The following SYN2 variants were observed in gnomAD, a reference collection of about 807,000 sequenced individuals.
The protein encoded by SYN2 is synapsin II, also known as synapsin-2.
SYN2 carries 19 observed loss-of-function variants against 50.9 expected under a neutral mutation model. The ratio of observed to expected loss-of-function variants is 0.37; its 90% CI spans 0.26 to 0.55. SYN2 has a LOEUF of 0.55. Among genes scored for constraint, SYN2 ranks in the 20% least tolerant of loss-of-function variants. The pLI, the probability that SYN2 is intolerant of heterozygous loss-of-function variation, is 0.81. For missense variants in SYN2, 587 were observed against 576.4 expected, an observed-to-expected ratio of 1.02 and a Z score of -0.19; for synonymous variants, 255 against 224.9, an observed-to-expected ratio of 1.13 and a Z score of -1.20.
At chr3:12,119,404 T>C (rs181083725) in intron 1 of SYN2, among the ~76,000 whole-genome samples, 33 of 152,318 alleles carry the variant, frequency 2.2e-4, no homozygotes, top group African/African-American at 7.9e-4. Flanking sequence ...GATAGTGTTT[T>C]ATTCATTTCT....
At chr3:12,102,983 A>G (rs1309977314) in intron 1 of SYN2, among the ~76,000 whole-genome samples, 2 of 152,170 alleles carry the variant, frequency 1.3e-5, no homozygotes, top group Non-Finnish European at 2.9e-5. Flanking sequence ...GTAATTATGA[A>G]CACTTATTTA....
intron 3 of SYN2, among the ~76,000 whole-genome samples, chr3:12,143,265 C>G (rs892134427): frequency 3.3e-5 from 5 of 152,126 alleles, no homozygotes; most frequent in African/African-American, 1.2e-4. Flanking sequence ...CAGAGCAGCT[C>G]TAACAGATGC....
intron 6 of SYN2, 136 bp from the exon 7 acceptor site, chr3:12,161,876 G>A (rs1377711365): frequency 2.3e-6 from 3 of 1,295,616 alleles, no homozygotes; most frequent in Admixed American, 4.9e-5. Flanking sequence ...GGGGCCTCCT[G>A]GGGAGATGTG....
intron 1 of SYN2, among the ~76,000 whole-genome samples, chr3:12,095,572 A>AAAAAAAAAAAAAAAC (rs1695915015): frequency 9.3e-6 from 1 of 107,564 alleles, no homozygotes; most frequent in African/African-American, 3.8e-5. Flanking sequence ...AAAAAAAAAA[A>AAAAAAAAAAAAAAAC]AGGACCATCA....
At position 12,068,369 on chromosome 3, in the gene SYN2, A is replaced by C. The variant is rs182273100; in HGVS notation, c.377+63441A>C. 2.0e-5 allele frequency among the ~76,000 whole-genome samples: 3 copies of C among 152,256 alleles called. No homozygotes were observed. In the East Asian group the frequency reaches 5.8e-4, roughly 29 times the overall value. On this transcript the variant is annotated intron_variant, in intron 1 of 12. Transcript: ENST00000621198. ...GAAGTTTGCAGCCACTTTGATTCCTAATCTTTTGGATGTTGATCTGTTCCC... is the reference window on the plus strand; with the variant it reads ...GAAGTTTGCAGCCACTTTGATTCCTCATCTTTTGGATGTTGATCTGTTCCC...
At chr3:12,180,028 A>G (rs1172658504) in intron 10 of SYN2, among the ~76,000 whole-genome samples, 1 of 152,152 alleles carries the variant, frequency 6.6e-6, no homozygotes, top group Non-Finnish European at 1.5e-5. Context: ...GGCTCACTGC[A>G]GCATCCACCT....
At position 12,115,303 on chromosome 3, in the gene SYN2, A is replaced by G. The variant is rs543436304; in HGVS notation, c.378-25348A>G. Among the ~76,000 whole-genome samples, 261 of 152,184 alleles carry G rather than the reference A, an allele frequency of 1.7e-3. 1 individual carries two copies. The highest frequency in any genetic ancestry group is 4.1e-3 in the Admixed American group (63 of 15,268). On this transcript the variant is annotated intron_variant, in intron 1 of 12. Coordinates refer to ENST00000621198, the MANE Select transcript of SYN2 (RefSeq NM_133625.6). The stretch of plus-strand genomic sequence containing the variant: ...AATGCATGGTGGAGTTTCAGAAAGC[A>G]AGGATATATTTCATCACTCAGATTC...
chr3:12,169,745 A>G lies in SYN2; in HGVS notation c.1159-12A>G. 6.2e-7 allele frequency: 1 copy of G among 1,613,636 alleles called. No individual in the cohort carries two copies. Among genetic ancestry groups the G allele is most frequent in the African/African-American group, 1.3e-5 (1 of 75,026 alleles). ...AGACCCCTTTCCTCACCTGGGACAC[A>G]TCTCCCACCAGGTCATGGACTGTAG... is the stretch of plus-strand genomic sequence containing the variant. On this transcript the variant is annotated splice_polypyrimidine_tract_variant and intron_variant, in intron 9 of 12. Coordinates refer to ENST00000621198, the MANE Select transcript of SYN2 (RefSeq NM_133625.6).
chr3:12,088,443 C>G (rs1363360858), intron 1 of SYN2, among the ~76,000 whole-genome samples: 1 of 152,118 alleles, frequency 6.6e-6, no homozygotes, highest in Admixed American at 6.5e-5. Context: ...AAAGGGTGCA[C>G]TATTGGTGGG....
intron 1 of SYN2, among the ~76,000 whole-genome samples, chr3:12,059,896 G>A (rs1283853165): frequency 2.6e-5 from 4 of 152,222 alleles, no homozygotes; most frequent in Non-Finnish European, 5.9e-5. Context: ...AAAGCAGCGG[G>A]TATCAGCTCT....
chr3:12,051,026 C>T (rs911140343), intron 1 of SYN2, among the ~76,000 whole-genome samples: 14 of 151,972 alleles, frequency 9.2e-5, no homozygotes, highest in Non-Finnish European at 7.4e-5. Context: ...TGAGCCACCG[C>T]GCCCGGCCTC....
intron 1 of SYN2, among the ~76,000 whole-genome samples, chr3:12,137,201 T>C (rs747903087): frequency 2.6e-5 from 4 of 151,098 alleles, no homozygotes; most frequent in African/African-American, 4.9e-5. Context: ...TGAGCTATGA[T>C]TGCACCACTG....
intron 1 of SYN2, among the ~76,000 whole-genome samples, chr3:12,088,761 G>A (rs891425604): frequency 2.4e-4 from 37 of 152,282 alleles, no homozygotes; most frequent in Non-Finnish European, 3.4e-4. Flanking sequence ...CCTGGAGGAC[G>A]CTGTGTTATG....
intron 1 of SYN2, among the ~76,000 whole-genome samples, chr3:12,010,729 A>AT (rs2125130273): frequency 6.6e-6 from 1 of 152,264 alleles, no homozygotes; most frequent in South Asian, 2.1e-4. Flanking sequence ...ATTAGCTCTA[A>AT]TTTTTTTCTA....
chr3:12,173,505 C>G (rs1362104599), intron 10 of SYN2, among the ~76,000 whole-genome samples: 3 of 152,130 alleles, frequency 2.0e-5, no homozygotes, highest in South Asian at 4.1e-4. Context: ...TCTCTTTTTC[C>G]AAAAGATTAT....
At chr3:12,094,155 C>T (rs1695882553) in intron 1 of SYN2, among the ~76,000 whole-genome samples, 1 of 151,982 alleles carries the variant, frequency 6.6e-6, no homozygotes. Context: ...GTGCCTGGCC[C>T]CTGCAATTTA....
intron 4 of SYN2, 41 bp from the exon 5 acceptor site, chr3:12,151,196 G>A: frequency 1.4e-6 from 2 of 1,421,790 alleles, no homozygotes; most frequent in Non-Finnish European, 2.0e-6. Flanking sequence ...TGTTTCAGAA[G>A]TTATCTAAGA....
At chr3:12,064,073 A>G (rs1219124555) in intron 1 of SYN2, among the ~76,000 whole-genome samples, 2 of 152,048 alleles carry the variant, frequency 1.3e-5, no homozygotes, top group Non-Finnish European at 2.9e-5. Flanking sequence ...TAATGTTGGT[A>G]GTGTATACCC....
intron 5 of SYN2, chr3:12,158,832 C>T (rs1697547803): frequency 3.1e-6 from 5 of 1,587,666 alleles, no homozygotes; most frequent in Non-Finnish European, 4.3e-6. Context: ...GCCGAGGGCT[C>T]CCAGGCATGA....
Sources: gnomAD v4.1 joint callset for allele counts (sites outside exome capture counted in the v4.1 genomes callset) on GRCh38, gnomAD v4.1.1 for gene constraint, MANE v1.5 for transcripts, NCBI Gene and HGNC (gene_info 2026-07-23, HGNC 2026-07-21) for gene names.